CAST: variants seen among roughly 807,000 people sequenced by gnomAD.
CAST encodes MIR583 host.
Under a neutral mutation model 119.6 loss-of-function variants are expected in CAST, and 76 were observed. The ratio of observed to expected loss-of-function variants is 0.64; its 90% CI spans 0.53 to 0.77. The LOEUF is 0.77. Among genes scored for constraint, CAST ranks in the 30% least tolerant of loss-of-function variants. The pLI, the probability that CAST is intolerant of heterozygous loss-of-function variation, is 0.00. For synonymous variants in CAST, 319 were observed against 331.6 expected, an observed-to-expected ratio of 0.96 and a Z score of 0.41; for missense variants, 953 against 946.5, an observed-to-expected ratio of 1.01 and a Z score of -0.09.
At chr5:96,398,887 G>A in the CAST span, 2 of 1,613,078 alleles carry the variant, frequency 1.2e-6, no homozygotes, top group Non-Finnish European at 1.7e-6. Flanking sequence ...ACCAGCAGCA[G>A]AAGTAAGTGT....
the CAST span, among the ~76,000 whole-genome samples, chr5:96,492,479 T>C: frequency 5.9e-5 from 9 of 152,228 alleles, no homozygotes; most frequent in Non-Finnish European, 1.0e-4. Flanking sequence ...GGGGTCTATT[T>C]CTATTCTATT....
the CAST span, among the ~76,000 whole-genome samples, chr5:96,448,855 A>C: frequency 1.3e-5 from 2 of 152,180 alleles, no homozygotes; most frequent in Non-Finnish European, 2.9e-5. Context: ...AAATGCAACC[A>C]TTCCCCAGAC....
the CAST span, among the ~76,000 whole-genome samples, chr5:96,108,387 T>C: frequency 6.6e-6 from 1 of 152,222 alleles, no homozygotes; most frequent in East Asian, 1.9e-4. Flanking sequence ...GATGGTGATG[T>C]ACAGATGGGT....
chr5:96,453,289 A>G, the CAST span, among the ~76,000 whole-genome samples: 1 of 152,228 alleles, frequency 6.6e-6, no homozygotes, highest in East Asian at 1.9e-4. Flanking sequence ...GCATTAACTT[A>G]GGCAGAGTTA....
At chr5:96,541,005 C>G (rs971978622) in intron 1 of CAST, among the ~76,000 whole-genome samples, 1 of 152,100 alleles carries the variant, frequency 6.6e-6, no homozygotes, top group African/African-American at 2.4e-5. Context: ...CCCTTTTTCC[C>G]CCTTTCCCAT....
the CAST span, among the ~76,000 whole-genome samples, chr5:96,095,983 T>C: frequency 5.9e-5 from 9 of 152,182 alleles, no homozygotes; most frequent in Admixed American, 3.9e-4. Context: ...GCCAGTTTAA[T>C]TGATTTTGTA....
In CAST at chr5:96,534,540, G is replaced by A. The variant is rs946195401; in HGVS notation, c.60+4660G>A. Among the ~76,000 whole-genome samples, 35 of 151,344 alleles carry A rather than the reference G, an allele frequency of 2.3e-4. 1 individual carries two copies. The highest frequency in any genetic ancestry group is 1.3e-3 in the Admixed American group (20 of 15,132). On this transcript the variant is annotated intron_variant, in intron 1 of 11. Transcript: ENST00000505143. Reference sequence around the variant, plus strand: ...AAAAATTAGCCAGGTGTAGTGGTGCGTGCCTGTAATCCCAGCTACTCAGGA... The same window carrying A: ...AAAAATTAGCCAGGTGTAGTGGTGCATGCCTGTAATCCCAGCTACTCAGGA...
chr5:96,493,766 C>T, the CAST span, among the ~76,000 whole-genome samples: 3 of 152,132 alleles, frequency 2.0e-5, no homozygotes, highest in Admixed American at 6.5e-5. Context: ...AGGCCAGGAA[C>T]GGTGTCTCAT....
chr5:96,137,709 CTTG>C, the CAST span, among the ~76,000 whole-genome samples: 6 of 152,108 alleles, frequency 3.9e-5, 1 homozygote, highest in East Asian at 3.9e-4. Flanking sequence ...ATAGTGGTAT[CTTG>C]TTGTTTTAAT....
At chr5:96,157,458 C>T in the CAST span, among the ~76,000 whole-genome samples, 1 of 152,202 alleles carries the variant, frequency 6.6e-6, no homozygotes, top group Non-Finnish European at 1.5e-5. Context: ...TTAGAAAACT[C>T]CTCAAAGACA....
chr5:96,450,295 C>T, the CAST span, among the ~76,000 whole-genome samples: 1 of 152,150 alleles, frequency 6.6e-6, no homozygotes, highest in Non-Finnish European at 1.5e-5. Flanking sequence ...TTTGCAGCAA[C>T]ATGGATAGAA....
At chr5:95,979,377 C>A in the CAST span, among the ~76,000 whole-genome samples, 5 of 152,160 alleles carry the variant, frequency 3.3e-5, no homozygotes, top group Non-Finnish European at 7.4e-5. Flanking sequence ...AAGCTTTTGC[C>A]TTCTCTTCAG....
chr5:96,300,732 G>A, the CAST span, among the ~76,000 whole-genome samples: 8 of 151,488 alleles, frequency 5.3e-5, no homozygotes, highest in East Asian at 9.7e-4. Context: ...CATGAACGTG[G>A]GATATCTTTC....
chr5:96,514,493 G>A, the CAST span, among the ~76,000 whole-genome samples: 1 of 152,192 alleles, frequency 6.6e-6, no homozygotes, highest in South Asian at 2.1e-4. Flanking sequence ...CCAAATATCT[G>A]GAAGGGTATT....
the CAST span, among the ~76,000 whole-genome samples, chr5:95,974,502 A>G: frequency 6.6e-6 from 1 of 152,234 alleles, no homozygotes; most frequent in Admixed American, 6.5e-5. Context: ...CTTAAAAAAG[A>G]TACTTGTGTT....
the CAST span, among the ~76,000 whole-genome samples, chr5:96,334,809 C>T: frequency 9.2e-5 from 14 of 152,208 alleles, no homozygotes; most frequent in Non-Finnish European, 2.9e-5. Context: ...GCGCACAATA[C>T]AAGGGCTGAC....
the CAST span, among the ~76,000 whole-genome samples, chr5:96,030,958 T>G: frequency 6.6e-6 from 1 of 152,140 alleles, no homozygotes; most frequent in Non-Finnish European, 1.5e-5. Flanking sequence ...TGTAAGAATA[T>G]TAACGTATTG....
chr5:96,502,595 A>G, the CAST span, among the ~76,000 whole-genome samples: 1 of 149,826 alleles, frequency 6.7e-6, no homozygotes, highest in African/African-American at 2.5e-5. Flanking sequence ...TAAGATAATC[A>G]AGGTTAGCAA....
At chr5:96,125,316 C>A in the CAST span, among the ~76,000 whole-genome samples, 2 of 152,124 alleles carry the variant, frequency 1.3e-5, no homozygotes, top group African/African-American at 4.8e-5. Context: ...CCGTAAATGT[C>A]ATATTTCATG....
Sources: allele counts gnomAD v4.1 joint callset (sites outside exome capture counted in the v4.1 genomes callset), GRCh38; gene constraint gnomAD v4.1.1; transcripts MANE v1.5; gene names NCBI Gene and HGNC (gene_info 2026-07-23, HGNC 2026-07-21).